The following STK32B variants were observed in gnomAD, a reference collection of about 807,000 sequenced individuals.
The protein encoded by STK32B is serine/threonine kinase 32B, also known as serine/threonine-protein kinase 32B.
Under a neutral mutation model 52.6 loss-of-function variants are expected in STK32B, and 43 were observed. That is an observed-to-expected ratio of 0.82 (90% CI 0.64 to 1.05). STK32B has a LOEUF of 1.05. Ranked by LOEUF, STK32B falls within the 50% of genes least tolerant of loss-of-function variation. The pLI, the probability that STK32B is intolerant of heterozygous loss-of-function variation, is 0.00. For missense variants in STK32B, 621 were observed against 534.6 expected, an observed-to-expected ratio of 1.16 and a Z score of -1.59; for synonymous variants, 238 against 204.3, an observed-to-expected ratio of 1.17 and a Z score of -1.41.
chr4:5,056,846 T>C (rs144027045), intron 1 of STK32B, among the ~76,000 whole-genome samples: 241 of 152,302 alleles, frequency 1.6e-3, no homozygotes, highest in Non-Finnish European at 2.6e-3. Flanking sequence ...ATGTGAAGAA[T>C]TTTCCCAAGG....
At chr4:5,121,467 CT>C (rs1233448715) in intron 1 of STK32B, among the ~76,000 whole-genome samples, 1 of 152,104 alleles carries the variant, frequency 6.6e-6, no homozygotes, top group Non-Finnish European at 1.5e-5. Context: ...GATCATAAAA[CT>C]AGTGAAAGAG....
At chr4:5,333,019 G>C (rs1225073217) in intron 4 of STK32B, among the ~76,000 whole-genome samples, 2 of 152,254 alleles carry the variant, frequency 1.3e-5, no homozygotes, top group East Asian at 3.9e-4. Flanking sequence ...CCAGTAATGG[G>C]ATGGCTGGGT....
At chr4:5,490,609 T>A (rs1305618000) in intron 11 of STK32B, among the ~76,000 whole-genome samples, 2 of 152,070 alleles carry the variant, frequency 1.3e-5, no homozygotes, top group Admixed American at 1.3e-4. Flanking sequence ...AGTTTTAGGG[T>A]ACATGTGCAC....
intron 3 of STK32B, among the ~76,000 whole-genome samples, chr4:5,261,503 C>T (rs1726711065): frequency 6.6e-6 from 1 of 152,136 alleles, no homozygotes; most frequent in Admixed American, 6.5e-5. Flanking sequence ...GACCCTGTCA[C>T]ACATCAGACT....
At chr4:5,128,138 A>G (rs1034177816) in intron 1 of STK32B, among the ~76,000 whole-genome samples, 4 of 152,224 alleles carry the variant, frequency 2.6e-5, no homozygotes, top group African/African-American at 9.6e-5. Context: ...AGACAAGGAC[A>G]GATCCTCCCC....
chr4:5,354,137 A>G (rs1350459504), intron 4 of STK32B, among the ~76,000 whole-genome samples: 1 of 152,230 alleles, frequency 6.6e-6, no homozygotes. Context: ...CAGACACACA[A>G]GGACAAATTG....
At chr4:5,482,974 C>T (rs1718845280) in intron 11 of STK32B, among the ~76,000 whole-genome samples, 1 of 152,270 alleles carries the variant, frequency 6.6e-6, no homozygotes, top group African/African-American at 2.4e-5. Context: ...TGATGTGCTG[C>T]TGGATTCGGT....
intron 1 of STK32B, among the ~76,000 whole-genome samples, chr4:5,062,122 A>C (rs1018841311): frequency 5.9e-5 from 9 of 152,168 alleles, no homozygotes; most frequent in Non-Finnish European, 1.0e-4. Flanking sequence ...TCTGTTTCAA[A>C]GGTAAGCTCT....
At chr4:5,434,741 C>G (rs556137783) in intron 6 of STK32B, among the ~76,000 whole-genome samples, 1 of 152,292 alleles carries the variant, frequency 6.6e-6, no homozygotes, top group Non-Finnish European at 1.5e-5. Context: ...ACACTGAGCA[C>G]AGTCCCTAGC....
intron 4 of STK32B, among the ~76,000 whole-genome samples, chr4:5,368,830 C>T (rs955288203): frequency 6.6e-6 from 1 of 152,206 alleles, no homozygotes; most frequent in Non-Finnish European, 1.5e-5. Flanking sequence ...CTTTCATATG[C>T]TCCGCAGGAA....
At chr4:5,022,069 T>C in the STK32B span, among the ~76,000 whole-genome samples, 1 of 152,134 alleles carries the variant, frequency 6.6e-6, no homozygotes, top group African/African-American at 2.4e-5. Flanking sequence ...ACACACAAGC[T>C]TGCCTGCCGA....
At chr4:5,036,943 G>A in the STK32B span, among the ~76,000 whole-genome samples, 6 of 152,168 alleles carry the variant, frequency 3.9e-5, no homozygotes, top group South Asian at 4.1e-4. Flanking sequence ...TGGGATTATA[G>A]GCATGAGACA....
At chr4:5,127,514 T>G (rs1410297937) in intron 1 of STK32B, among the ~76,000 whole-genome samples, 1 of 152,168 alleles carries the variant, frequency 6.6e-6, no homozygotes, top group African/African-American at 2.4e-5. Context: ...GGGTGAGCAA[T>G]TCTCTCAAAA....
intron 3 of STK32B, among the ~76,000 whole-genome samples, chr4:5,328,186 C>A (rs1218193552): frequency 1.3e-5 from 2 of 152,204 alleles, no homozygotes. Context: ...TCTGTCTAGA[C>A]CACTAAAATT....
chr4:5,320,577 C>G (rs761347318), intron 3 of STK32B, among the ~76,000 whole-genome samples: 2 of 152,122 alleles, frequency 1.3e-5, no homozygotes, highest in Non-Finnish European at 2.9e-5. Context: ...AGTTACATTT[C>G]AAATACAACT....
chr4:5,159,721 GTATATGAATATATATATGAATA>G (rs1347285884), intron 2 of STK32B, among the ~76,000 whole-genome samples: 1 of 72,020 alleles, frequency 1.4e-5, no homozygotes, highest in African/African-American at 7.5e-5. Flanking sequence ...ATATATGAAT[GTATATGAATATATATATGAATA>G]TATGAATGTA....
At chr4:5,472,511 T>G (rs1167102947) in intron 11 of STK32B, among the ~76,000 whole-genome samples, 1 of 152,220 alleles carries the variant, frequency 6.6e-6, no homozygotes. Flanking sequence ...AGACTTCCAT[T>G]GGGTTGAGAA....
the STK32B span, among the ~76,000 whole-genome samples, chr4:5,022,100 CATCCGGGA>C: frequency 2.0e-5 from 3 of 152,186 alleles, no homozygotes; most frequent in Non-Finnish European, 4.4e-5. Context: ...TGCCAGTGTG[CATCCGGGA>C]ATTCTATCTG....
At position 5,466,852 on chromosome 4, in the gene STK32B, G is replaced by A; in HGVS notation, c.1041+18G>A. ...GCCCGCTGGTGAGTGCTTCGTGGGA[G>A]CCGTTCCGGGAGAGAAATCCTGTGC... On this transcript the variant is annotated intron_variant, in intron 10 of 11. Coordinates refer to ENST00000282908, the MANE Select transcript of STK32B (RefSeq NM_018401.3). 1 of 1,609,106 alleles carries A rather than the reference G, an allele frequency of 6.2e-7. No homozygotes were observed. Among genetic ancestry groups the A allele is most frequent in the Non-Finnish European group, 8.5e-7 (1 of 1,177,758 alleles).
Sources: gnomAD v4.1 joint callset for allele counts (sites outside exome capture counted in the v4.1 genomes callset) on GRCh38, gnomAD v4.1.1 for gene constraint, MANE v1.5 for transcripts, NCBI Gene and HGNC (gene_info 2026-07-23, HGNC 2026-07-21) for gene names.